CADPS2: variants seen among roughly 807,000 people sequenced by gnomAD.
CADPS2 encodes calcium-dependent secretion activator 2.
Under a neutral mutation model 172.5 loss-of-function variants are expected in CADPS2, and 93 were observed. That is an observed-to-expected ratio of 0.54 (90% CI 0.46 to 0.64). CADPS2 has a LOEUF of 0.64. Among genes scored for constraint, CADPS2 ranks in the 30% least tolerant of loss-of-function variants. CADPS2 has a pLI of 0.00. For synonymous variants in CADPS2, 546 were observed against 555.2 expected (o/e 0.98, Z 0.23); for missense variants, 1,420 against 1,565.9 (o/e 0.91, Z 1.57).
intron 15 of CADPS2, among the ~76,000 whole-genome samples, chr7:122,450,500 ATGT>A (rs1290936118): frequency 7.1e-6 from 1 of 140,412 alleles, no homozygotes; most frequent in Non-Finnish European, 1.6e-5. Flanking sequence ...AATGTTTGAA[ATGT>A]TTCTTAGTAT....
chr7:122,849,710 A>G (rs1055070254), intron 1 of CADPS2: 3 of 353,770 alleles, frequency 8.5e-6, no homozygotes, highest in Admixed American at 4.2e-5. Context: ...AGGAGCTTTC[A>G]ATTTAAAAAG....
At chr7:122,515,267 C>G (rs1407741735) in intron 8 of CADPS2, among the ~76,000 whole-genome samples, 1 of 152,050 alleles carries the variant, frequency 6.6e-6, no homozygotes, top group African/African-American at 2.4e-5. Flanking sequence ...CATTACTGCT[C>G]TTATTCTTAC....
chr7:122,627,930 C>T (rs2076234903), intron 4 of CADPS2, among the ~76,000 whole-genome samples: 1 of 152,158 alleles, frequency 6.6e-6, no homozygotes, highest in African/African-American at 2.4e-5. Context: ...ACAAAATCCA[C>T]ATTCAAATCT....
chr7:122,455,410 AATAAT>A lies in CADPS2; in HGVS notation c.2187-3940_2187-3936del, dbSNP rs1046452709. Among the ~76,000 whole-genome samples, 10 of 150,634 alleles carry A rather than the reference AATAAT, an allele frequency of 6.6e-5. No individual in the cohort carries two copies. In the South Asian group the frequency reaches 8.3e-4, roughly 13 times the overall value. The stretch of plus-strand genomic sequence containing the variant: ...TATTTTTTAATAATAATATTTATTA[AATAAT>A]AATATTTAATAAAAATGTTTTATTG... On this transcript the variant is annotated intron_variant, in intron 14 of 29. Coordinates refer to ENST00000449022, the MANE Select transcript of CADPS2 (RefSeq NM_017954.11).
chr7:122,732,690 A>G (rs1478376261), intron 2 of CADPS2, among the ~76,000 whole-genome samples: 2 of 144,766 alleles, frequency 1.4e-5, no homozygotes, highest in African/African-American at 2.5e-5. Context: ...AAATACATAT[A>G]TTTACATTAT....
intron 29 of CADPS2, 23 bp downstream of exon 29, chr7:122,325,454 A>T: frequency 6.8e-7 from 1 of 1,474,204 alleles, no homozygotes; most frequent in Non-Finnish European, 9.4e-7. Flanking sequence ...TGGGCAATTC[A>T]TATCTAAACA....
chr7:122,528,407 C>T lies in CADPS2; in HGVS notation c.1476-15092G>A, dbSNP rs2061459822. ...TCTAAAGAGTACCTGTATTATGTTG[C>T]AAGCTACAGAATTTCTTAAGTTCTT... On this transcript the variant is annotated intron_variant, in intron 8 of 29. Transcript: ENST00000449022. Among the ~76,000 whole-genome samples the T allele has an allele frequency of 3.3e-5, 5 of 152,096 alleles. No individual in the cohort carries two copies. The South Asian group carries it at 1.0e-3, about 31-fold the overall frequency.
intron 12 of CADPS2, among the ~76,000 whole-genome samples, chr7:122,477,921 A>G (rs979332586): frequency 6.6e-6 from 1 of 152,198 alleles, no homozygotes; most frequent in African/African-American, 2.4e-5. Flanking sequence ...CCTTTGACCC[A>G]CATCTCCCCA....
At chr7:122,681,733 T>A (rs1444720316) in intron 2 of CADPS2, 13 of 533,732 alleles carry the variant, frequency 2.4e-5, no homozygotes, top group South Asian at 1.6e-4. Context: ...TGTAAAAAAA[T>A]AATAATAATA....
intron 2 of CADPS2, among the ~76,000 whole-genome samples, chr7:122,691,523 A>G (rs146114687): frequency 9.8e-4 from 149 of 152,306 alleles, no homozygotes; most frequent in African/African-American, 3.4e-3. Context: ...AAGCCTCACC[A>G]TGCAACCCCA....
At chr7:122,682,470 T>C in intron 2 of CADPS2, among the ~76,000 whole-genome samples, 1 of 152,358 alleles carries the variant, frequency 6.6e-6, no homozygotes, top group East Asian at 1.9e-4. Context: ...AGAAAATGTT[T>C]TTCTTGTTTT....
chr7:122,786,984 G>C (rs1035080450), intron 1 of CADPS2, among the ~76,000 whole-genome samples: 2 of 152,122 alleles, frequency 1.3e-5, no homozygotes, highest in African/African-American at 4.8e-5. Flanking sequence ...AAAATGCCAG[G>C]CAGGTAGTAG....
intron 1 of CADPS2, among the ~76,000 whole-genome samples, chr7:122,791,564 G>A (rs999029437): frequency 6.6e-5 from 10 of 152,088 alleles, no homozygotes; most frequent in Non-Finnish European, 2.9e-5. Flanking sequence ...AGACTATACA[G>A]GATGCCATCA....
intron 2 of CADPS2, among the ~76,000 whole-genome samples, chr7:122,694,241 C>CA (rs534909988): frequency 9.7e-4 from 148 of 152,094 alleles, no homozygotes; most frequent in African/African-American, 3.4e-3. Flanking sequence ...ATAGGGACAA[C>CA]AATTAAGGGA....
chr7:122,858,742 TCTG>T (rs1816046238), intron 1 of CADPS2, among the ~76,000 whole-genome samples: 2 of 152,232 alleles, frequency 1.3e-5, no homozygotes, highest in African/African-American at 2.4e-5. Flanking sequence ...TAGAGACTGT[TCTG>T]CTGTGTGGCC....
At chr7:122,682,215 A>G (rs536303698) in intron 2 of CADPS2, among the ~76,000 whole-genome samples, 394 of 152,342 alleles carry the variant, frequency 2.6e-3, no homozygotes, top group Non-Finnish European at 4.4e-3. Context: ...ACACTGTGCA[A>G]CAAAGACTGA....
Position 122,451,460 on chromosome 7 carries a change from C to A in CADPS2, c.2202G>T (p.Gly734=). The A allele has an allele frequency of 4.4e-6, 7 of 1,575,872 alleles. No individual in the cohort carries two copies. Among genetic ancestry groups the A allele is most frequent in the South Asian group, 1.2e-5 (1 of 83,194 alleles). ...HVHGNRPDGI[G]TVSVEEKERF... ...TTTCTTTTTCTTCCACTGAAACAGT[C>A]CCAATTCCATCAGGCCTGAAAAAAA... is the stretch of plus-strand genomic sequence containing the variant. The change falls in exon 15 of 30, where the codon GGG becomes GGT. Residue 734 remains glycine (G), a synonymous_variant. Transcript: ENST00000449022.
chr7:122,424,861 T>C (rs2151840388), intron 17 of CADPS2, among the ~76,000 whole-genome samples: 1 of 152,204 alleles, frequency 6.6e-6, no homozygotes, highest in East Asian at 1.9e-4. Flanking sequence ...GAAAGTTTTC[T>C]ATGCTGTCTA....
chr7:122,849,978 G>A, intron 1 of CADPS2: 2 of 614,080 alleles, frequency 3.3e-6, no homozygotes, highest in Non-Finnish European at 5.3e-6. Context: ...CAAGCTATGG[G>A]CCCACCTGCC....
Sources: gnomAD v4.1 joint callset for allele counts (sites outside exome capture counted in the v4.1 genomes callset) on GRCh38, gnomAD v4.1.1 for gene constraint, MANE v1.5 for transcripts, NCBI Gene and HGNC (gene_info 2026-07-23, HGNC 2026-07-21) for gene names.